SCN9A: variants seen among roughly 807,000 people sequenced by gnomAD.
SCN9A encodes sodium voltage-gated channel alpha subunit 9, also known as sodium channel protein type 9 subunit alpha.
In SCN9A, 131 loss-of-function variants were observed where a neutral mutation model predicts 187.0. That is an observed-to-expected ratio of 0.70 (90% confidence interval 0.61 to 0.81). SCN9A has a LOEUF of 0.81. Among genes scored for constraint, SCN9A ranks in the 30% least tolerant of loss-of-function variants. The probability of loss-of-function intolerance (pLI) is 0.00; values close to 1 mark genes in which losing one functional copy is unlikely to be tolerated. For missense variants in SCN9A, 2,252 were observed against 2,396.6 expected, an observed-to-expected ratio of 0.94 and a Z score of 1.26; for synonymous variants, 809 against 808.6, an observed-to-expected ratio of 1.00 and a Z score of -0.01.
intron 17 of SCN9A, among the ~76,000 whole-genome samples, chr2:166,254,494 T>A (rs1002782831): frequency 6.6e-6 from 1 of 151,444 alleles, no homozygotes; most frequent in Non-Finnish European, 1.5e-5. Flanking sequence ...TAAAGTTTTT[T>A]TTTCCTGCGG....
intron 1 of SCN9A, among the ~76,000 whole-genome samples, chr2:166,320,185 T>C (rs1699203177): frequency 6.6e-6 from 1 of 152,120 alleles, no homozygotes; most frequent in African/African-American, 2.4e-5. Context: ...ATTCCCTAGA[T>C]AATGGCTTTA....
At chr2:166,282,856 C>T (rs917000381) in intron 12 of SCN9A, among the ~76,000 whole-genome samples, 8 of 152,032 alleles carry the variant, frequency 5.3e-5, no homozygotes, top group African/African-American at 1.9e-4. Flanking sequence ...TCTCGAAAAC[C>T]AGGTTTTCTG....
intron 1 of SCN9A, among the ~76,000 whole-genome samples, chr2:166,330,229 A>T (rs893240411): frequency 6.6e-6 from 1 of 152,036 alleles, no homozygotes; most frequent in Non-Finnish European, 1.5e-5. Context: ...GCCAATTGTT[A>T]TCATTGGCCA....
chr2:166,267,482 C>T (rs562006575), intron 17 of SCN9A, among the ~76,000 whole-genome samples: 1 of 151,938 alleles, frequency 6.6e-6, no homozygotes, highest in South Asian at 2.1e-4. Flanking sequence ...CATTTTGCAT[C>T]TGTGTTCATC....
chr2:166,286,381 T>C lies in SCN9A; in HGVS notation c.1557A>G (p.Glu519=). ...TCTTTTCATGTGCTCGCCTATGCCC[T>C]TCGACACCAAGGTGGAAACTTTTTC... The part of the protein sequence containing the change: ...IRRKSFHLGV[E]GHRRAHEKRL... The change falls in exon 11 of 27, where the codon GAA becomes GAG. Residue 519 remains glutamate, a synonymous_variant. Coordinates refer to ENST00000642356, the MANE Select transcript of SCN9A (RefSeq NM_001365536.1). The C allele has an allele frequency of 6.2e-7, 1 of 1,613,704 alleles. No individual in the cohort carries two copies. Among genetic ancestry groups the C allele is most frequent in the Non-Finnish European group, 8.5e-7 (1 of 1,179,784 alleles).
chr2:166,368,886 C>A (rs1441991877), intron 1 of SCN9A, among the ~76,000 whole-genome samples: 1 of 151,148 alleles, frequency 6.6e-6, no homozygotes, highest in South Asian at 2.1e-4. Flanking sequence ...ACTCGGGAGG[C>A]TGAGGCAGGA....
chr2:166,366,887 T>C (rs1272185793), intron 1 of SCN9A, among the ~76,000 whole-genome samples: 1 of 152,228 alleles, frequency 6.6e-6, no homozygotes, highest in Non-Finnish European at 1.5e-5. Flanking sequence ...CAAAAATTAT[T>C]ATAAACATAA....
intron 1 of SCN9A, among the ~76,000 whole-genome samples, chr2:166,347,602 A>G (rs1025518755): frequency 6.6e-6 from 1 of 152,220 alleles, no homozygotes; most frequent in African/African-American, 2.4e-5. Flanking sequence ...TCTCAACTAA[A>G]TGCTTTGTAA....
At chr2:166,232,310 T>C (rs1473961886) in intron 21 of SCN9A, among the ~76,000 whole-genome samples, 2 of 152,216 alleles carry the variant, frequency 1.3e-5, no homozygotes, top group Admixed American at 1.3e-4. Flanking sequence ...TGAGTATCTT[T>C]TCAGGCACTC....
chr2:166,343,773 G>A (rs1699840098), intron 1 of SCN9A, among the ~76,000 whole-genome samples: 1 of 151,480 alleles, frequency 6.6e-6, no homozygotes, highest in Admixed American at 6.6e-5. Flanking sequence ...CTCAGCCTGG[G>A]AGACAGAGTG....
chr2:166,206,596 G>A (rs1189468646), intron 24 of SCN9A, among the ~76,000 whole-genome samples: 1 of 151,776 alleles, frequency 6.6e-6, no homozygotes. Context: ...AAACCAACAT[G>A]GTACATGTAT....
chr2:166,306,370 A>C (rs1698757023), intron 4 of SCN9A, 140 bp downstream of exon 4: 2 of 644,970 alleles, frequency 3.1e-6, no homozygotes, highest in South Asian at 3.6e-5. Context: ...GAGGAGGTAA[A>C]GAACAAAAGA....
intron 1 of SCN9A, among the ~76,000 whole-genome samples, chr2:166,318,477 C>A (rs548657650): frequency 8.4e-4 from 126 of 150,864 alleles, no homozygotes; most frequent in African/African-American, 3.0e-3. Flanking sequence ...ACAGACCAAA[C>A]TTTTAACTTT....
chr2:166,206,226 G>A (rs1693797316), intron 24 of SCN9A, among the ~76,000 whole-genome samples: 1 of 152,098 alleles, frequency 6.6e-6, no homozygotes, highest in African/African-American at 2.4e-5. Context: ...TATATTTATT[G>A]CAGCACTATT....
intron 9 of SCN9A, among the ~76,000 whole-genome samples, chr2:166,292,423 AT>A (rs1281969045): frequency 6.6e-6 from 1 of 152,148 alleles, no homozygotes; most frequent in Non-Finnish European, 1.5e-5. Context: ...TATTTAAAAA[AT>A]ATTTGCATTC....
At position 166,228,867 on chromosome 2, in the gene SCN9A, C is replaced by A. The variant is rs554271249; in HGVS notation, c.4030G>T (p.Ala1344Ser). The A allele has an allele frequency of 6.2e-7, 1 of 1,613,872 alleles. No individual in the cohort carries two copies. The highest frequency in any genetic ancestry group is 1.1e-5 in the South Asian group (1 of 91,086). Residue 1344 changes from alanine to serine, a missense_variant, in exon 22 of 27, where the codon GCT (alanine) becomes TCT (serine). Physicochemically the swap from Ala to Ser is moderately conservative, Grantham distance 99 (BLOSUM62 1). This residue lies in a region of SCN9A where 368 missense variants were observed against 408.6 expected (regional missense o/e 0.90). Transcript: ENST00000642356. ...IFSIMGVNLF[A>S]GKFYECINTT... ...TTAATACACTCATAGAACTTGCCAG[C>A]AAACAAATTTACTCCCATGATGCTG...
chr2:166,372,886 C>A (rs1209328965), intron 1 of SCN9A, among the ~76,000 whole-genome samples: 1 of 152,064 alleles, frequency 6.6e-6, no homozygotes, highest in Non-Finnish European at 1.5e-5. Flanking sequence ...GTCTGGGTTC[C>A]CTTGGAGTAT....
rs1447173804 is a variant in SCN9A, at chr2:166,270,939, G to GAT, written c.3351+1458_3351+1459dup. On this transcript the variant is annotated intron_variant, in intron 17 of 26. Transcript: ENST00000642356. ...AGAAAACAAAAGATTATTTTTAAAT[G>GAT]ATGCCTTAAGACTTGAAAGCAATCT... Among the ~76,000 whole-genome samples, 11 of 152,060 alleles carry GAT rather than the reference G, an allele frequency of 7.2e-5. No homozygotes were observed. In the East Asian group the frequency reaches 7.8e-4, roughly 11 times the overall value.
intron 1 of SCN9A, among the ~76,000 whole-genome samples, chr2:166,325,265 A>G (rs930692063): frequency 3.0e-4 from 45 of 152,150 alleles, no homozygotes; most frequent in Admixed American, 2.0e-3. Flanking sequence ...ATAGACATAA[A>G]TTTGAACCAC....
Sources: gnomAD v4.1 joint callset for allele counts (sites outside exome capture counted in the v4.1 genomes callset) on GRCh38, gnomAD v4.1.1 for gene constraint, gnomAD v4.1.1 regional missense constraint, MANE v1.5 for transcripts, NCBI Gene and HGNC (gene_info 2026-07-23, HGNC 2026-07-21) for gene names.